Variants in NIPAL3 observed in about 807,000 individuals in gnomAD.
NIPAL3 encodes the protein NIPA-like protein 3.
Under a neutral mutation model 47.2 loss-of-function variants are expected in NIPAL3, and 41 were observed. That is an observed-to-expected ratio of 0.87 (90% CI 0.68 to 1.13). The LOEUF is 1.13. NIPAL3 is among the 50% of genes most tolerant of loss of function. NIPAL3 has a pLI of 0.00. For synonymous variants in NIPAL3, 194 were observed against 209.6 expected, an observed-to-expected ratio of 0.93 and a Z score of 0.64; for missense variants, 449 against 530.1, an observed-to-expected ratio of 0.85 and a Z score of 1.50.
chr1:24,432,728 G>A (rs1644932082), intron 2 of NIPAL3, among the ~76,000 whole-genome samples: 1 of 152,202 alleles, frequency 6.6e-6, no homozygotes, highest in Admixed American at 6.5e-5. Context: ...AGGTTGTTAT[G>A]AGGATTAAAT....
intron 2 of NIPAL3, among the ~76,000 whole-genome samples, chr1:24,420,839 C>T (rs1024863362): frequency 6.6e-6 from 1 of 152,068 alleles, no homozygotes; most frequent in Non-Finnish European, 1.5e-5. Context: ...CCATGAACAT[C>T]CTGGAGTGTA....
intron 8 of NIPAL3, among the ~76,000 whole-genome samples, chr1:24,458,248 C>T (rs1045430308): frequency 1.3e-5 from 2 of 152,142 alleles, no homozygotes; most frequent in African/African-American, 4.8e-5. Context: ...GTCATTTTGC[C>T]ACTGCACTCC....
At chr1:24,419,259 T>C in intron 1 of NIPAL3, 32 bp from the exon 2 acceptor site, 1 of 1,066,498 alleles carries the variant, frequency 9.4e-7, no homozygotes, top group South Asian at 4.3e-5. Flanking sequence ...TCCTTGTCCA[T>C]GCATTTTTAA....
upstream of NIPAL3, chr1:24,415,226 C>T (rs1265127075): frequency 6.6e-6 from 1 of 152,180 alleles, no homozygotes; most frequent in Non-Finnish European, 1.5e-5. Context: ...TAACCAAGCG[C>T]TGGGCTCGTT....
rs540707971 is a variant in NIPAL3 at position 24,420,674 on chromosome 1, A to C, written c.93+1034A>C. 4.4e-4 allele frequency among the ~76,000 whole-genome samples: 67 copies of C among 152,250 alleles called. 1 individual carries two copies. Among genetic ancestry groups the C allele is most frequent in the African/African-American group, 1.6e-3 (65 of 41,550 alleles). On this transcript the variant is annotated intron_variant, in intron 2 of 11. Transcript: ENST00000374399. ...TATCTTGGTTGTTTAACTTGACCTTACTTGTGGAATATTTCCCCATGTCAT... is the reference window on the plus strand; with the variant it reads ...TATCTTGGTTGTTTAACTTGACCTTCCTTGTGGAATATTTCCCCATGTCAT...
chr1:24,445,712 T>A (rs1645624824), intron 5 of NIPAL3, among the ~76,000 whole-genome samples: 1 of 152,108 alleles, frequency 6.6e-6, no homozygotes, highest in Non-Finnish European at 1.5e-5. Flanking sequence ...ACCCTCCAGC[T>A]CCCAGTCAGA....
intron 8 of NIPAL3, chr1:24,457,764 T>C (rs1277166560): frequency 1.9e-6 from 1 of 533,446 alleles, no homozygotes; most frequent in Non-Finnish European, 3.8e-6. Flanking sequence ...CACCTGCTAA[T>C]GAGAACAACA....
intron 5 of NIPAL3, among the ~76,000 whole-genome samples, chr1:24,445,786 T>C (rs1271237553): frequency 1.3e-5 from 2 of 152,156 alleles, no homozygotes; most frequent in Non-Finnish European, 2.9e-5. Context: ...GCCAGAATTA[T>C]TGCCTCACAT....
At chr1:24,422,685 C>G (rs1644387950) in intron 2 of NIPAL3, among the ~76,000 whole-genome samples, 1 of 152,182 alleles carries the variant, frequency 6.6e-6, no homozygotes, top group South Asian at 2.1e-4. Flanking sequence ...CCCACACCAA[C>G]TCCATCATCC....
Position 24,460,529 on chromosome 1 carries a change from G to A in NIPAL3, c.911G>A (p.Cys304Tyr). Residue 304 changes from cysteine to tyrosine, a missense_variant, in exon 10 of 12, where the codon TGC becomes TAC. By Grantham distance (194) the Cys-to-Tyr change is radical. Coordinates refer to ENST00000374399, the MANE Select transcript of NIPAL3 (RefSeq NM_020448.5). ...DFIGEDVLHI[C>Y]MFALGCLIAF... ...ATCGGGGAGGACGTGCTGCACATCTGCATGTTTGCACTGGGGTGAGTTCTG... is the reference window on the plus strand; with the variant it reads ...ATCGGGGAGGACGTGCTGCACATCTACATGTTTGCACTGGGGTGAGTTCTG... 1.3e-6 allele frequency: 2 copies of A among 1,580,872 alleles called. No homozygotes were observed. Among genetic ancestry groups the A allele is most frequent in the East Asian group, 4.8e-5 (2 of 41,796 alleles).
At position 24,469,547 on chromosome 1, in the gene NIPAL3, GC is replaced by G; in HGVS notation, c.*363del. 1 of 189,834 alleles carries G rather than the reference GC, an allele frequency of 5.3e-6. No individual in the cohort carries two copies. Among genetic ancestry groups the G allele is most frequent in the Non-Finnish European group, 1.1e-5 (1 of 91,028 alleles). The allele number at this position is 189,834 out of a possible 1,614,324, so 11.8% of individuals were successfully genotyped here. On this transcript the variant is annotated 3_prime_UTR_variant, in exon 12 of 12. Transcript: ENST00000374399. ...AGAGCTAAGGCAAGACAGAGAGTCT[GC>G]TGTTAATTCTCAAATCCAGCGAAAG...
chr1:24,464,053 C>T lies in NIPAL3; in HGVS notation c.954C>T (p.Phe318=). The part of the protein sequence containing the change: ...LGCLIAFLGV[F]LITRNRKKPI... ...GCCTCATTGCATTCTTGGGCGTCTT[C>T]TTAATCACGCGTAACAGGAAGAAGC... The change falls in exon 11 of 12, where the codon TTC becomes TTT. Residue 318 remains phenylalanine (F), a synonymous_variant. Coordinates refer to ENST00000374399, the MANE Select transcript of NIPAL3 (RefSeq NM_020448.5). 6.2e-7 allele frequency: 1 copy of T among 1,612,774 alleles called. No individual in the cohort carries two copies.
At chr1:24,443,948 A>G (rs1320115793) in intron 4 of NIPAL3, among the ~76,000 whole-genome samples, 1 of 152,212 alleles carries the variant, frequency 6.6e-6, no homozygotes, top group Admixed American at 6.5e-5. Context: ...ACAATGAGAA[A>G]TAAGTGTCTA....
At chr1:24,437,681 A>G (rs1375269435) in intron 2 of NIPAL3, among the ~76,000 whole-genome samples, 4 of 152,088 alleles carry the variant, frequency 2.6e-5, no homozygotes, top group African/African-American at 7.2e-5. Context: ...AAGGGAGTCA[A>G]CCTTTCTTCA....
chr1:24,462,241 G>A (rs1332831798), intron 10 of NIPAL3, among the ~76,000 whole-genome samples: 1 of 152,170 alleles, frequency 6.6e-6, no homozygotes, highest in Non-Finnish European at 1.5e-5. Context: ...CCTCCCAGCA[G>A]GTCCCTCCCA....
intron 5 of NIPAL3, among the ~76,000 whole-genome samples, chr1:24,447,403 T>A (rs1271761926): frequency 2.6e-5 from 4 of 152,212 alleles, no homozygotes; most frequent in African/African-American, 9.7e-5. Flanking sequence ...AACTTTAATA[T>A]ATGTCTGAAA....
chr1:24,464,627 T>G (rs528365206), intron 11 of NIPAL3: 1 of 152,406 alleles, frequency 6.6e-6, no homozygotes, highest in Non-Finnish European at 1.5e-5. Context: ...AGCATGTGAA[T>G]CAGCCCAATA....
intron 2 of NIPAL3, among the ~76,000 whole-genome samples, chr1:24,435,599 C>A (rs915461977): frequency 2.0e-5 from 3 of 152,228 alleles, no homozygotes; most frequent in African/African-American, 7.2e-5. Context: ...ATCTCTCTCC[C>A]CCACCCATGA....
rs191658416 is a variant in NIPAL3, at chr1:24,425,793, T to C, written c.93+6153T>C. ...GGGTAGTTATGAGAATGACCGGAAT[T>C]TACAGATAAGCAAACCGAAGCTGCC... On this transcript the variant is annotated intron_variant, in intron 2 of 11. Transcript: ENST00000374399. Among the ~76,000 whole-genome samples, 293 of 152,182 alleles carry C rather than the reference T, an allele frequency of 1.9e-3. 1 individual carries two copies. The highest frequency in any genetic ancestry group is 0.017 in the South Asian group (82 of 4,812).
Sources: allele counts gnomAD v4.1 joint callset (sites outside exome capture counted in the v4.1 genomes callset), GRCh38; gene constraint gnomAD v4.1.1; transcripts MANE v1.5; gene names NCBI Gene and HGNC (gene_info 2026-07-23, HGNC 2026-07-21).